AFG2A: variants seen among roughly 807,000 people sequenced by gnomAD.
AFG2A encodes AAA ATPase AFG2A.
At chr4:123,077,240 G>A in the AFG2A span, among the ~76,000 whole-genome samples, 3 of 151,960 alleles carry the variant, frequency 2.0e-5, no homozygotes, top group South Asian at 2.1e-4. Flanking sequence ...GTAGAGATGG[G>A]GTTTCACCAT....
At chr4:123,074,700 A>G in the AFG2A span, among the ~76,000 whole-genome samples, 1 of 152,058 alleles carries the variant, frequency 6.6e-6, no homozygotes, top group African/African-American at 2.4e-5. Flanking sequence ...CTATATTAGC[A>G]CTATCTCTTG....
the AFG2A span, among the ~76,000 whole-genome samples, chr4:123,214,559 A>G: frequency 6.6e-6 from 1 of 152,030 alleles, no homozygotes; most frequent in Non-Finnish European, 1.5e-5. Flanking sequence ...ATAATGAGGA[A>G]AAACCATGTG....
chr4:123,119,444 A>G, the AFG2A span, among the ~76,000 whole-genome samples: 1 of 152,180 alleles, frequency 6.6e-6, no homozygotes, highest in African/African-American at 2.4e-5. Context: ...TTAACCTCCC[A>G]TGGCTGAAGA....
At chr4:122,960,514 A>G in the AFG2A span, among the ~76,000 whole-genome samples, 8 of 152,188 alleles carry the variant, frequency 5.3e-5, no homozygotes, top group African/African-American at 1.9e-4. Context: ...CATTTTGTTT[A>G]TGGTGAAAGG....
chr4:122,927,775 T>C, the AFG2A span: 10 of 1,609,784 alleles, frequency 6.2e-6, no homozygotes, highest in East Asian at 1.3e-4. Context: ...GTCTTTTTCA[T>C]TTCCTTAGTT....
the AFG2A span, among the ~76,000 whole-genome samples, chr4:123,135,016 C>T: frequency 6.6e-6 from 1 of 152,128 alleles, no homozygotes; most frequent in Non-Finnish European, 1.5e-5. Context: ...CAACAAAATA[C>T]TAGCAAACCA....
At chr4:123,104,967 T>C in the AFG2A span, among the ~76,000 whole-genome samples, 1 of 152,212 alleles carries the variant, frequency 6.6e-6, no homozygotes, top group Non-Finnish European at 1.5e-5. Flanking sequence ...GCTAAGATAA[T>C]TAATGAAGGT....
At chr4:123,002,731 C>G in the AFG2A span, among the ~76,000 whole-genome samples, 48 of 152,114 alleles carry the variant, frequency 3.2e-4, 1 homozygote, top group East Asian at 5.8e-3. Context: ...TCTGGCTGCC[C>G]TTAACATTTT....
At chr4:123,016,807 G>T in the AFG2A span, among the ~76,000 whole-genome samples, 1 of 152,148 alleles carries the variant, frequency 6.6e-6, no homozygotes, top group African/African-American at 2.4e-5. Context: ...CTGAGATCAC[G>T]CCACTGCACT....
the AFG2A span, among the ~76,000 whole-genome samples, chr4:123,055,041 G>A: frequency 2.0e-5 from 3 of 152,026 alleles, no homozygotes; most frequent in Non-Finnish European, 4.4e-5. Context: ...TTGCTTACAC[G>A]ATAAAATCTG....
the AFG2A span, among the ~76,000 whole-genome samples, chr4:123,059,360 G>A: frequency 7.1e-6 from 1 of 140,130 alleles, no homozygotes; most frequent in Non-Finnish European, 1.5e-5. Context: ...GTGTCCATGT[G>A]TTCTCATTGT....
the AFG2A span, among the ~76,000 whole-genome samples, chr4:123,118,378 AC>A: frequency 7.3e-6 from 1 of 137,576 alleles, no homozygotes; most frequent in African/African-American, 3.1e-5. Context: ...TGTTTTCAAT[AC>A]CCATTTCTCC....
At chr4:122,982,925 TG>T in the AFG2A span, among the ~76,000 whole-genome samples, 1 of 126,606 alleles carries the variant, frequency 7.9e-6, no homozygotes, top group African/African-American at 2.9e-5. Context: ...TGGAGTGCAA[TG>T]GCACCATCTT....
chr4:123,317,011 G>A, the AFG2A span: 2 of 152,286 alleles, frequency 1.3e-5, no homozygotes, highest in South Asian at 4.1e-4. Context: ...GGATCACGAG[G>A]TCAGAAGATC....
At chr4:123,125,265 A>G in the AFG2A span, among the ~76,000 whole-genome samples, 1 of 152,200 alleles carries the variant, frequency 6.6e-6, no homozygotes, top group African/African-American at 2.4e-5. Context: ...TTGTTCTCAA[A>G]TATTAATTTA....
At chr4:123,129,295 C>T in the AFG2A span, among the ~76,000 whole-genome samples, 1 of 152,166 alleles carries the variant, frequency 6.6e-6, no homozygotes. Flanking sequence ...TAGTTGGGTT[C>T]TCATTCAGGT....
the AFG2A span, among the ~76,000 whole-genome samples, chr4:123,297,837 C>T: frequency 6.6e-6 from 1 of 152,154 alleles, no homozygotes; most frequent in Non-Finnish European, 1.5e-5. Context: ...AAAATGGCAC[C>T]TTTGCAATAG....
the AFG2A span, among the ~76,000 whole-genome samples, chr4:122,993,207 G>A: frequency 6.6e-6 from 1 of 151,746 alleles, no homozygotes; most frequent in African/African-American, 2.4e-5. Flanking sequence ...TGGCCAGGCT[G>A]GTCTCGAACT....
At chr4:123,111,484 A>G in the AFG2A span, among the ~76,000 whole-genome samples, 1 of 152,184 alleles carries the variant, frequency 6.6e-6, no homozygotes, top group African/African-American at 2.4e-5. Flanking sequence ...TATGAAAAAG[A>G]GCTTGTTTGG....
Sources: gnomAD v4.1 joint callset for allele counts (sites outside exome capture counted in the v4.1 genomes callset) on GRCh38, gnomAD v4.1.1 for gene constraint, MANE v1.5 for transcripts, NCBI Gene and HGNC (gene_info 2026-07-23, HGNC 2026-07-21) for gene names.